PDE4D: variants seen among roughly 807,000 people sequenced by gnomAD.
The protein encoded by PDE4D is phosphodiesterase 4D.
A neutral mutation model predicts 87.4 loss-of-function variants in PDE4D; 24 were observed. The observed-to-expected ratio is 0.27, with a 90% CI of 0.20 to 0.39. The LOEUF (loss-of-function observed/expected upper bound fraction) is 0.39. PDE4D is among the 10% of genes least tolerant of loss of function. The probability of loss-of-function intolerance (pLI) is 1.00; values close to 1 mark genes in which losing one functional copy is unlikely to be tolerated. For missense variants in PDE4D, 714 were observed against 1,041.0 expected (o/e 0.69, Z 4.32); for synonymous variants, 384 against 383.2 (o/e 1.00, Z -0.02).
chr5:60,507,595 T>C (rs1159130369), intron 1 of PDE4D, among the ~76,000 whole-genome samples: 2 of 152,130 alleles, frequency 1.3e-5, no homozygotes, highest in Non-Finnish European at 2.9e-5. Context: ...CCACTGACAA[T>C]ATAGGAAGTT....
chr5:59,697,917 C>T (rs1459977902), intron 1 of PDE4D, among the ~76,000 whole-genome samples: 1 of 152,154 alleles, frequency 6.6e-6, no homozygotes, highest in Non-Finnish European at 1.5e-5. Flanking sequence ...CCTTTATTTA[C>T]TGATTTTATG....
intron 1 of PDE4D, among the ~76,000 whole-genome samples, chr5:59,350,806 A>G (rs1179750027): frequency 6.6e-6 from 1 of 152,202 alleles, no homozygotes; most frequent in Non-Finnish European, 1.5e-5. Flanking sequence ...AGGCACATGA[A>G]GTAACTTGCC....
chr5:60,351,050 A>G (rs1381169071), intron 1 of PDE4D, among the ~76,000 whole-genome samples: 1 of 152,196 alleles, frequency 6.6e-6, no homozygotes, highest in Non-Finnish European at 1.5e-5. Context: ...CACAGAGCTG[A>G]GCATGTGCTC....
At chr5:59,193,436 C>A (rs938299351) in intron 3 of PDE4D, 64 bp downstream of exon 3, 5 of 1,384,780 alleles carry the variant, frequency 3.6e-6, no homozygotes, top group Non-Finnish European at 5.1e-6. Context: ...ATAACCCGAA[C>A]TAATTCCCCA....
At chr5:59,253,687 A>G (rs144709143) in intron 1 of PDE4D, among the ~76,000 whole-genome samples, 1 of 152,118 alleles carries the variant, frequency 6.6e-6, no homozygotes, top group Non-Finnish European at 1.5e-5. Flanking sequence ...TCTCTTTTCT[A>G]TATCTTTCTT....
At chr5:58,978,841 C>A (rs1339732481) in intron 11 of PDE4D, among the ~76,000 whole-genome samples, 2 of 151,842 alleles carry the variant, frequency 1.3e-5, no homozygotes, top group East Asian at 3.9e-4. Flanking sequence ...CCTTTATGAA[C>A]CTTTATCTAC....
intron 1 of PDE4D, among the ~76,000 whole-genome samples, chr5:59,835,797 G>T (rs527924550): frequency 6.6e-6 from 1 of 152,124 alleles, no homozygotes; most frequent in East Asian, 1.9e-4. Context: ...AGGAGCTTCT[G>T]CTCAGAGTAG....
chr5:59,174,344 CTT>C, intron 5 of PDE4D: 1 of 152,610 alleles, frequency 6.6e-6, no homozygotes, highest in Non-Finnish European at 1.5e-5. Context: ...GGAATGAAGA[CTT>C]AGACCAATTT....
chr5:59,995,609 G>T (rs1027104000), intron 2 of PDE4D, among the ~76,000 whole-genome samples: 1 of 152,122 alleles, frequency 6.6e-6, no homozygotes, highest in Non-Finnish European at 1.5e-5. Context: ...GTGAGCCACT[G>T]CACCCGGCCG....
intron 2 of PDE4D, among the ~76,000 whole-genome samples, chr5:60,107,055 T>C (rs1777037339): frequency 1.3e-5 from 2 of 152,042 alleles, no homozygotes; most frequent in South Asian, 2.1e-4. Context: ...CTTCAAAAAT[T>C]AATGAATCCA....
rs144084939 is a variant in PDE4D at position 59,287,718 on chromosome 5, C to CAGAGAG, written c.456-71756_456-71751dup. On this transcript the variant is annotated intron_variant, in intron 1 of 14. Coordinates refer to ENST00000340635, the MANE Select transcript of PDE4D (RefSeq NM_001104631.2). ...CAGATCCAGGAAACAGAGACACACA[C>CAGAGAG]AGAGAGAGAGAGAGAGAGACAGACA... is the stretch of plus-strand genomic sequence containing the variant. Among the ~76,000 whole-genome samples, 5,116 of 149,622 alleles carry CAGAGAG rather than the reference C, an allele frequency of 0.034. 561 individuals are homozygous for CAGAGAG. The East Asian group carries it at 0.43, about 12-fold the overall frequency.
intron 1 of PDE4D, among the ~76,000 whole-genome samples, chr5:60,369,858 G>A (rs1337721266): frequency 1.3e-5 from 2 of 152,126 alleles, no homozygotes; most frequent in Non-Finnish European, 2.9e-5. Flanking sequence ...GACGTGAATC[G>A]AGGTCATTCT....
intron 2 of PDE4D, 174 bp from the exon 3 acceptor site, chr5:59,193,710 T>C (rs1458739982): frequency 2.0e-6 from 2 of 985,402 alleles, no homozygotes; most frequent in Non-Finnish European, 2.4e-6. Flanking sequence ...ATATGTCTTC[T>C]GGGATGTTAA....
In PDE4D at chr5:59,463,777, G is replaced by A. The variant is rs536705467; in HGVS notation, c.456-247809C>T. On this transcript the variant is annotated intron_variant, in intron 1 of 14. Coordinates refer to ENST00000340635, the MANE Select transcript of PDE4D (RefSeq NM_001104631.2). Reference sequence around the variant, plus strand: ...ATAAGAGTATGTTAGAATATTAAAAGATCTCGGGTGTGGGGAAAAGCAAGA... The same window carrying A: ...ATAAGAGTATGTTAGAATATTAAAAAATCTCGGGTGTGGGGAAAAGCAAGA... Among the ~76,000 whole-genome samples the A allele has an allele frequency of 3.9e-5, 6 of 152,266 alleles. No homozygotes were observed. The East Asian group carries it at 9.6e-4, about 24-fold the overall frequency.
chr5:59,411,345 G>A (rs142733929), intron 1 of PDE4D, among the ~76,000 whole-genome samples: 125 of 152,034 alleles, frequency 8.2e-4, no homozygotes, highest in Admixed American at 4.5e-3. Flanking sequence ...ACACTTTATT[G>A]TCTTCTATTC....
upstream of PDE4D, among the ~76,000 whole-genome samples, chr5:59,896,622 T>C (rs1235648732): frequency 6.6e-6 from 1 of 152,212 alleles, no homozygotes; most frequent in Non-Finnish European, 1.5e-5. Flanking sequence ...TAAAAAACTC[T>C]TCATGTGATT....
intron 2 of PDE4D, among the ~76,000 whole-genome samples, chr5:60,083,733 C>CAA (rs35399526): frequency 6.6e-6 from 1 of 152,110 alleles, no homozygotes; most frequent in African/African-American, 2.4e-5. Context: ...CAGCTGTTCC[C>CAA]AAAAAGTTTC....
At chr5:59,442,646 A>G (rs1446909815) in intron 1 of PDE4D, among the ~76,000 whole-genome samples, 1 of 152,214 alleles carries the variant, frequency 6.6e-6, no homozygotes, top group Non-Finnish European at 1.5e-5. Context: ...ATTACATTCT[A>G]CCTTCTCTTA....
intron 5 of PDE4D, among the ~76,000 whole-genome samples, chr5:59,094,848 T>C (rs1769398848): frequency 6.6e-6 from 1 of 152,104 alleles, no homozygotes; most frequent in Non-Finnish European, 1.5e-5. Flanking sequence ...CCAACTTGGA[T>C]ACTAAATATA....
Sources: allele counts gnomAD v4.1 joint callset (sites outside exome capture counted in the v4.1 genomes callset), GRCh38; gene constraint gnomAD v4.1.1; transcripts MANE v1.5; gene names NCBI Gene and HGNC (gene_info 2026-07-23, HGNC 2026-07-21).